Variants in SRPK2 observed in about 807,000 individuals in gnomAD.
The protein encoded by SRPK2 is SRSF protein kinase 2, also known as SFRS protein kinase 2.
A neutral mutation model predicts 90.8 loss-of-function variants in SRPK2; 21 were observed. That is an observed-to-expected ratio of 0.23 (90% CI 0.16 to 0.33). The LOEUF is 0.33. SRPK2 is among the 10% of genes least tolerant of loss of function. The pLI is 1.00. For missense variants in SRPK2, 620 were observed against 869.0 expected (o/e 0.71, Z 3.60); for synonymous variants, 288 against 311.1 (o/e 0.93, Z 0.78).
At chr7:105,281,281 G>C (rs1331628075) in intron 2 of SRPK2, among the ~76,000 whole-genome samples, 3 of 151,862 alleles carry the variant, frequency 2.0e-5, no homozygotes, top group Non-Finnish European at 4.4e-5. Flanking sequence ...ATTTTTAGTA[G>C]AGATGGGTTT....
intron 11 of SRPK2, among the ~76,000 whole-genome samples, chr7:105,135,695 C>G (rs1802698631): frequency 6.6e-6 from 1 of 152,060 alleles, no homozygotes; most frequent in Admixed American, 6.5e-5. Flanking sequence ...TTCTCAGGAG[C>G]TGCTTAATTC....
intron 2 of SRPK2, among the ~76,000 whole-genome samples, chr7:105,378,645 C>T (rs1820585143): frequency 6.6e-6 from 1 of 151,950 alleles, no homozygotes; most frequent in African/African-American, 2.4e-5. Flanking sequence ...CACCTGTAGT[C>T]CCAGCTACTC....
chr7:105,200,023 C>T (rs74621159), intron 3 of SRPK2, among the ~76,000 whole-genome samples: 13 of 152,024 alleles, frequency 8.6e-5, no homozygotes, highest in Non-Finnish European at 1.6e-4. Flanking sequence ...ATCAAAGGAC[C>T]GGGCATGGTG....
At chr7:105,277,195 GCC>G (rs1806635172) in intron 2 of SRPK2, among the ~76,000 whole-genome samples, 1 of 152,034 alleles carries the variant, frequency 6.6e-6, no homozygotes, top group African/African-American at 2.4e-5. Flanking sequence ...TCCTGTCTCA[GCC>G]TCCCGAGTAG....
chr7:105,227,848 A>C (rs2129618505), intron 2 of SRPK2, among the ~76,000 whole-genome samples: 1 of 151,784 alleles, frequency 6.6e-6, no homozygotes, highest in Admixed American at 6.6e-5. Context: ...ACTGATGAAC[A>C]GATAAACCAA....
chr7:105,255,879 T>A (rs1803208246), intron 2 of SRPK2, among the ~76,000 whole-genome samples: 1 of 148,932 alleles, frequency 6.7e-6, no homozygotes. Context: ...TTGCAATGAG[T>A]CAAGATTGCA....
chr7:105,228,410 T>C (rs948185280), intron 2 of SRPK2, among the ~76,000 whole-genome samples: 1 of 152,232 alleles, frequency 6.6e-6, no homozygotes, highest in Non-Finnish European at 1.5e-5. Context: ...GAGAAATTGC[T>C]GAAATTCCAA....
intron 2 of SRPK2, among the ~76,000 whole-genome samples, chr7:105,313,545 T>A (rs1585664339): frequency 6.7e-6 from 1 of 149,862 alleles, no homozygotes; most frequent in Non-Finnish European, 1.5e-5. Context: ...AGCTCAGGAG[T>A]TTGAAACCAG....
At chr7:105,329,746 A>G (rs1814055122) in intron 2 of SRPK2, among the ~76,000 whole-genome samples, 1 of 152,040 alleles carries the variant, frequency 6.6e-6, no homozygotes, top group South Asian at 2.1e-4. Context: ...GTGGCTTAAG[A>G]ACACCCGGCA....
chr7:105,320,355 T>A (rs1307191160), intron 2 of SRPK2, among the ~76,000 whole-genome samples: 1 of 152,202 alleles, frequency 6.6e-6, no homozygotes, highest in African/African-American at 2.4e-5. Flanking sequence ...AAAGAGGAAC[T>A]ACATCTTCAA....
At chr7:105,149,476 T>C (rs1478330939) in intron 7 of SRPK2, among the ~76,000 whole-genome samples, 7 of 151,322 alleles carry the variant, frequency 4.6e-5, no homozygotes, top group Non-Finnish European at 2.9e-5. Context: ...ATAATGAAGA[T>C]AATAATCAAT....
At chr7:105,346,634 G>C (rs1314043487) in intron 2 of SRPK2, among the ~76,000 whole-genome samples, 1 of 151,964 alleles carries the variant, frequency 6.6e-6, no homozygotes, top group Non-Finnish European at 1.5e-5. Flanking sequence ...TGCGCCTGTA[G>C]TCCCAGCTAC....
chr7:105,303,551 A>C (rs1223542042), intron 2 of SRPK2, among the ~76,000 whole-genome samples: 1 of 152,258 alleles, frequency 6.6e-6, no homozygotes, highest in Admixed American at 6.5e-5. Flanking sequence ...AAAAGGGAAG[A>C]GCTCTTAATT....
intron 7 of SRPK2, among the ~76,000 whole-genome samples, chr7:105,159,457 A>AAAAAAAAAAAAAAAC: frequency 6.8e-6 from 1 of 146,406 alleles, no homozygotes; most frequent in Non-Finnish European, 1.5e-5. Flanking sequence ...CCAAAAAAAA[A>AAAAAAAAAAAAAAAC]AAAAAAAAAA....
At chr7:105,186,600 A>G (rs1043237121) in intron 3 of SRPK2, among the ~76,000 whole-genome samples, 5 of 152,224 alleles carry the variant, frequency 3.3e-5, no homozygotes, top group Non-Finnish European at 7.3e-5. Flanking sequence ...AAAGGCCGAA[A>G]CAGTATCTCC....
chr7:105,124,739 C>T, intron 15 of SRPK2, among the ~76,000 whole-genome samples: 1 of 150,612 alleles, frequency 6.6e-6, no homozygotes, highest in Non-Finnish European at 1.5e-5. Flanking sequence ...AGTCCATGTC[C>T]TACTCACATC....
intron 14 of SRPK2, among the ~76,000 whole-genome samples, chr7:105,126,565 C>A (rs972900385): frequency 5.9e-5 from 9 of 152,188 alleles, no homozygotes; most frequent in African/African-American, 2.2e-4. Flanking sequence ...CCCAGCATCG[C>A]AAGCAAATAA....
At chr7:105,390,625 T>G (rs535073545), upstream of SRPK2, among the ~76,000 whole-genome samples, 131 of 148,614 alleles carry the variant, frequency 8.8e-4, 2 homozygotes, top group Middle Eastern at 6.9e-3. Flanking sequence ...TTTTTTTTTT[T>G]TTTTTTTAGT....
chr7:105,370,454 G>A (rs561709988), intron 2 of SRPK2, among the ~76,000 whole-genome samples: 8 of 152,186 alleles, frequency 5.3e-5, no homozygotes, highest in African/African-American at 1.9e-4. Context: ...ATGTCATCTA[G>A]ATGCTCCTTC....
Sources: gnomAD v4.1 joint callset for allele counts (sites outside exome capture counted in the v4.1 genomes callset) on GRCh38, gnomAD v4.1.1 for gene constraint, MANE v1.5 for transcripts, NCBI Gene and HGNC (gene_info 2026-07-23, HGNC 2026-07-21) for gene names.